The following ZNF124 variants were observed in gnomAD, a reference collection of about 807,000 sequenced individuals.
ZNF124 encodes zinc finger protein 124.
In ZNF124, 25 loss-of-function variants were observed where a neutral mutation model predicts 26.6. The ratio of observed to expected loss-of-function variants is 0.94; its 90% CI spans 0.68 to 1.31. The LOEUF (loss-of-function observed/expected upper bound fraction) is 1.31, where lower values mean the gene tolerates loss of function less well. ZNF124 is among the 40% of genes most tolerant of loss of function. The pLI is 0.00. For synonymous variants in ZNF124, 129 were observed against 133.3 expected, an observed-to-expected ratio of 0.97 and a Z score of 0.22; for missense variants, 444 against 422.2, an observed-to-expected ratio of 1.05 and a Z score of -0.45.
intron 3 of ZNF124, among the ~76,000 whole-genome samples, chr1:247,130,456 A>T (rs1312352002): frequency 6.6e-6 from 1 of 152,228 alleles, no homozygotes; most frequent in Non-Finnish European, 1.5e-5. Context: ...TCACTAAAGC[A>T]TCAGTTCCAC....
Position 247,156,692 on chromosome 1 carries a change from C to G in ZNF124, c.930G>C (p.Arg310Ser). 1 of 1,611,942 alleles carries G rather than the reference C, an allele frequency of 6.2e-7. No homozygotes were observed. Among genetic ancestry groups the G allele is most frequent in the Non-Finnish European group, 8.5e-7 (1 of 1,179,240 alleles). ...RCSSSLRDHE[R>S]THTGEKPYEC... is the part of the protein sequence containing the mutation. Reference sequence around the variant, plus strand: ...CATAGGGTTTCTCTCCAGTATGAGTCCTTTCATGGTCACGAAGGGAACTGG... The same window carrying G: ...CATAGGGTTTCTCTCCAGTATGAGTGCTTTCATGGTCACGAAGGGAACTGG... The change falls in exon 4 of 4, where the codon AGG becomes AGC. Residue 310 changes from arginine to serine, a missense_variant. Arg to Ser is a moderately radical substitution (Grantham distance 110, BLOSUM62 -1). Transcript: ENST00000543802.
intron 3 of ZNF124, among the ~76,000 whole-genome samples, chr1:247,139,329 A>G (rs951410753): frequency 2.6e-5 from 4 of 152,228 alleles, no homozygotes; most frequent in Non-Finnish European, 5.9e-5. Flanking sequence ...CTAGGATTGT[A>G]ACCCCTGCTT....
chr1:247,154,074 A>C (rs1456560719), downstream of ZNF124, among the ~76,000 whole-genome samples: 1 of 152,034 alleles, frequency 6.6e-6, no homozygotes, highest in South Asian at 2.1e-4. Flanking sequence ...TGAGATACCT[A>C]ATTCTCCCCA....
chr1:247,160,590 A>G (rs893616588), intron 1 of ZNF124, among the ~76,000 whole-genome samples: 1 of 152,190 alleles, frequency 6.6e-6, no homozygotes, highest in African/African-American at 2.4e-5. Context: ...CTGTTGCTAA[A>G]TAGTTTATCT....
At chr1:247,142,146 G>A (rs1672645087) in intron 3 of ZNF124, among the ~76,000 whole-genome samples, 1 of 152,188 alleles carries the variant, frequency 6.6e-6, no homozygotes, top group Non-Finnish European at 1.5e-5. Context: ...CCTATCTATA[G>A]ATGAGATGAA....
Position 247,170,372 on chromosome 1 carries a change from T to C in ZNF124, c.30+1476A>G, listed in dbSNP as rs201873519. On this transcript the variant is annotated intron_variant, in intron 1 of 3. Transcript: ENST00000543802. ...GAGGTGAAGTTGGAGTTTGAGAGTA[T>C]GAGGAAGAAACTGGAAATTTAGAAT... is the stretch of plus-strand genomic sequence containing the variant. Among the ~76,000 whole-genome samples, 115 of 142,836 alleles carry C rather than the reference T, an allele frequency of 8.1e-4. 1 individual carries two copies. The highest frequency in any genetic ancestry group is 6.1e-3 in the East Asian group (31 of 5,076). 93.7% of individuals were successfully genotyped at this position (142,836 alleles called of 152,430 possible). A position where few individuals can be genotyped will look rare whatever the true frequency, so the allele number is the denominator to read the frequency against.
exon 4 of ZNF124, chr1:247,123,550 T>C: frequency 2.8e-6 from 1 of 351,426 alleles, no homozygotes; most frequent in Non-Finnish European, 5.1e-6. Context: ...TATCGAACAT[T>C]GGTTTCCTAA....
intron 3 of ZNF124, among the ~76,000 whole-genome samples, chr1:247,143,377 G>GCT (rs1262060379): frequency 6.6e-6 from 1 of 152,184 alleles, no homozygotes; most frequent in Non-Finnish European, 1.5e-5. Context: ...GGCACACACT[G>GCT]CTCTACAGCC....
chr1:247,159,784 C>CA lies in ZNF124; in HGVS notation c.59dup (p.Asn21GlufsTer19). 1.9e-5 allele frequency: 30 copies of CA among 1,613,712 alleles called. No individual in the cohort carries two copies. Among genetic ancestry groups the CA allele is most frequent in the Non-Finnish European group, 2.5e-5 (29 of 1,179,916 alleles). ...AAGCCCACTCCTCCTGGGTGAAGTT[C>CA]ACAGCCACATCCTCAAAGGCAACCG... On this transcript the variant is annotated frameshift_variant, in exon 2 of 4. Transcript: ENST00000543802. LOFTEE classifies it high-confidence loss of function.
At chr1:247,162,991 C>T (rs1298796792) in intron 1 of ZNF124, among the ~76,000 whole-genome samples, 1 of 152,170 alleles carries the variant, frequency 6.6e-6, no homozygotes, top group Admixed American at 6.5e-5. Context: ...ACATTCTTCT[C>T]AGCTGCACAT....
Position 247,159,789 on chromosome 1 carries a change from C to G in ZNF124, c.55G>C (p.Ala19Pro), listed in dbSNP as rs745652523. ...CACTCCTCCTGGGTGAAGTTCACAG[C>G]CACATCCTCAAAGGCAACCGAGTTC... ...EMNSVAFEDVAVNFTQEEWAL... is the reference protein window; with the variant it reads ...EMNSVAFEDVPVNFTQEEWAL... Residue 19 changes from alanine (A) to proline (P), a missense_variant, in exon 2 of 4, where the codon GCT becomes CCT. Coordinates refer to ENST00000543802, the MANE Select transcript of ZNF124 (RefSeq NM_001297568.2). 13 of 1,613,492 alleles carry G rather than the reference C, an allele frequency of 8.1e-6. No individual in the cohort carries two copies. Among genetic ancestry groups the G allele is most frequent in the Non-Finnish European group, 1.1e-5 (13 of 1,179,868 alleles).
chr1:247,161,796 A>C (rs1428255527), intron 1 of ZNF124, among the ~76,000 whole-genome samples: 1 of 152,128 alleles, frequency 6.6e-6, no homozygotes, highest in Non-Finnish European at 1.5e-5. Context: ...ATTCTTTAGA[A>C]GAACAAAAAT....
chr1:247,152,434 G>A (rs972604497), downstream of ZNF124, among the ~76,000 whole-genome samples: 7 of 151,668 alleles, frequency 4.6e-5, no homozygotes, highest in African/African-American at 7.3e-5. Flanking sequence ...ACGCAGCAAC[G>A]CAATAAACCC....
intron 3 of ZNF124, among the ~76,000 whole-genome samples, chr1:247,143,208 G>C (rs1035463289): frequency 2.0e-5 from 3 of 151,886 alleles, no homozygotes; most frequent in Non-Finnish European, 2.9e-5. Flanking sequence ...TTTGAAACCA[G>C]GACATGCCTT....
chr1:247,139,259 C>T (rs986224147), intron 3 of ZNF124, among the ~76,000 whole-genome samples: 1 of 152,228 alleles, frequency 6.6e-6, no homozygotes, highest in Admixed American at 6.5e-5. Context: ...CGGTTCACAC[C>T]ACTATGTAAT....
intron 1 of ZNF124, among the ~76,000 whole-genome samples, chr1:247,169,595 A>C (rs1219462904): frequency 6.7e-6 from 1 of 148,722 alleles, no homozygotes; most frequent in East Asian, 1.9e-4. Context: ...CTCCCCCAGA[A>C]ACCTGTGCCG....
intron 3 of ZNF124, among the ~76,000 whole-genome samples, chr1:247,127,874 G>T (rs1272647967): frequency 8.6e-5 from 13 of 151,882 alleles, no homozygotes; most frequent in African/African-American, 2.7e-4. Flanking sequence ...TTAACTCGGT[G>T]TCTGAGGGGT....
At chr1:247,146,091 G>A (rs1457587750) in intron 3 of ZNF124, among the ~76,000 whole-genome samples, 1 of 152,214 alleles carries the variant, frequency 6.6e-6, no homozygotes, top group Admixed American at 6.5e-5. Flanking sequence ...ATTGAGTGGT[G>A]TGACCACCCC....
intron 3 of ZNF124, among the ~76,000 whole-genome samples, chr1:247,124,636 TCTAATCTA>T (rs1672164402): frequency 6.6e-6 from 1 of 152,198 alleles, no homozygotes; most frequent in Non-Finnish European, 1.5e-5. Flanking sequence ...CAACTTTCTG[TCTAATCTA>T]CTAATCTACT....
Sources: allele counts gnomAD v4.1 joint callset (sites outside exome capture counted in the v4.1 genomes callset), GRCh38; gene constraint gnomAD v4.1.1; transcripts MANE v1.5; gene names NCBI Gene and HGNC (gene_info 2026-07-23, HGNC 2026-07-21).